Variants in ERC1 observed in about 807,000 individuals in gnomAD.
ERC1 encodes RAB6 interacting protein 2.
Under a neutral mutation model 132.0 loss-of-function variants are expected in ERC1, and 56 were observed. That is an observed-to-expected ratio of 0.42 (90% CI 0.34 to 0.53). ERC1 has a LOEUF of 0.53. Among genes scored for constraint, ERC1 ranks in the 20% least tolerant of loss-of-function variants. The pLI, the probability that ERC1 is intolerant of heterozygous loss-of-function variation, is 0.03. For synonymous variants in ERC1, 478 were observed against 476.1 expected, an observed-to-expected ratio of 1.00 and a Z score of -0.05; for missense variants, 1,202 against 1,349.9, an observed-to-expected ratio of 0.89 and a Z score of 1.72.
intron 16 of ERC1, among the ~76,000 whole-genome samples, chr12:1,401,195 A>G (rs1207638219): frequency 6.6e-6 from 1 of 151,662 alleles, no homozygotes; most frequent in Non-Finnish European, 1.5e-5. Flanking sequence ...CAGCCTTCCA[A>G]AGTGCTGGGA....
chr12:1,228,579 G>C (rs1010380543), intron 12 of ERC1, among the ~76,000 whole-genome samples: 1 of 152,120 alleles, frequency 6.6e-6, no homozygotes, highest in South Asian at 2.1e-4. Context: ...TGTTGAAGAG[G>C]TGGTGAGAGT....
rs1383211323 is a variant in ERC1, at chr12:1,191,207, T to C, written c.2351+1155T>C. Among the ~76,000 whole-genome samples, 4 of 152,206 alleles carry C rather than the reference T, an allele frequency of 2.6e-5. No individual in the cohort carries two copies. In the South Asian group the frequency reaches 6.2e-4, roughly 24 times the overall value. On this transcript the variant is annotated intron_variant, in intron 12 of 18. Transcript: ENST00000360905. The stretch of plus-strand genomic sequence containing the variant: ...GAATAAGATATATGGATAAAATTCT[T>C]TAAGTCAGAATTTTAAAATTACCAT...
At chr12:1,214,029 G>T (rs1293357719) in intron 12 of ERC1, among the ~76,000 whole-genome samples, 2 of 152,160 alleles carry the variant, frequency 1.3e-5, no homozygotes, top group African/African-American at 4.8e-5. Context: ...GACACTGAAA[G>T]ATGAAATTTC....
intron 7 of ERC1, among the ~76,000 whole-genome samples, chr12:1,130,625 G>A (rs965305112): frequency 3.3e-5 from 3 of 91,822 alleles, no homozygotes; most frequent in Non-Finnish European, 4.3e-5. Context: ...TTTGCGAAAC[G>A]TATAGTCTTT....
chr12:1,337,867 A>G (rs1214511444), intron 15 of ERC1, among the ~76,000 whole-genome samples: 4 of 152,184 alleles, frequency 2.6e-5, no homozygotes, highest in South Asian at 2.1e-4. Flanking sequence ...TTGGTGCCCA[A>G]TCTCTTCTGG....
intron 8 of ERC1, among the ~76,000 whole-genome samples, chr12:1,149,401 T>G (rs557557829): frequency 7.2e-5 from 11 of 152,270 alleles, no homozygotes. Flanking sequence ...ACATATATAT[T>G]GGTTGATTTG....
intron 7 of ERC1, among the ~76,000 whole-genome samples, chr12:1,126,983 T>C (rs1948233141): frequency 1.8e-5 from 1 of 55,588 alleles, no homozygotes; most frequent in Non-Finnish European, 3.4e-5. Flanking sequence ...TGAGATTCTG[T>C]CTCAAAAAAA....
intron 2 of ERC1, among the ~76,000 whole-genome samples, chr12:1,068,893 T>G (rs1199045845): frequency 6.6e-6 from 1 of 152,212 alleles, no homozygotes; most frequent in African/African-American, 2.4e-5. Flanking sequence ...TTAAGTAAGC[T>G]AAACTGTCTT....
intron 16 of ERC1, among the ~76,000 whole-genome samples, chr12:1,403,268 G>C (rs1429709917): frequency 1.3e-5 from 2 of 151,984 alleles, no homozygotes; most frequent in Admixed American, 6.6e-5. Flanking sequence ...GGGACCAGGG[G>C]TTTCATCTCC....
At chr12:1,342,174 GT>G (rs2083962273) in intron 15 of ERC1, among the ~76,000 whole-genome samples, 1 of 152,076 alleles carries the variant, frequency 6.6e-6, no homozygotes, top group African/African-American at 2.4e-5. Flanking sequence ...TAAGCAAAAA[GT>G]TAATGCGGGC....
chr12:1,172,366 G>C (rs1052340180), intron 8 of ERC1, among the ~76,000 whole-genome samples: 2 of 152,152 alleles, frequency 1.3e-5, no homozygotes, highest in African/African-American at 2.4e-5. Context: ...TACTCCGGAG[G>C]CTGAGGCTGG....
chr12:1,316,391 C>T (rs1329174275), intron 15 of ERC1, among the ~76,000 whole-genome samples: 2 of 152,128 alleles, frequency 1.3e-5, no homozygotes, highest in African/African-American at 4.8e-5. Context: ...ATATACCAGG[C>T]ATGGCTCTGT....
At chr12:1,168,628 G>T (rs1952712531) in intron 8 of ERC1, among the ~76,000 whole-genome samples, 1 of 151,790 alleles carries the variant, frequency 6.6e-6, no homozygotes, top group South Asian at 2.1e-4. Flanking sequence ...GGGATTACAG[G>T]TGCCCACCAC....
At chr12:991,818 G>A (rs1166207215) in intron 1 of ERC1, 1 of 152,290 alleles carries the variant, frequency 6.6e-6, no homozygotes, top group Non-Finnish European at 1.5e-5. Flanking sequence ...AAATGCTGAA[G>A]ATGATTCTTT....
At chr12:1,116,077 C>G in intron 7 of ERC1, 44 bp downstream of exon 7, 1 of 1,559,626 alleles carries the variant, frequency 6.4e-7, no homozygotes, top group South Asian at 1.2e-5. Context: ...TTTCTTGGCA[C>G]CTTTTCATAA....
At chr12:1,091,308 G>A (rs1385415887) in intron 3 of ERC1, among the ~76,000 whole-genome samples, 1 of 152,160 alleles carries the variant, frequency 6.6e-6, no homozygotes, top group Admixed American at 6.5e-5. Context: ...AATTAAGTTG[G>A]GAAGGGGATT....
At chr12:1,180,062 T>C (rs1282424472) in intron 8 of ERC1, among the ~76,000 whole-genome samples, 1 of 152,216 alleles carries the variant, frequency 6.6e-6, no homozygotes, top group African/African-American at 2.4e-5. Flanking sequence ...CTTTTCTTTA[T>C]ATAGCTGATT....
chr12:1,178,003 C>T (rs146671577), intron 8 of ERC1, among the ~76,000 whole-genome samples: 4 of 152,246 alleles, frequency 2.6e-5, no homozygotes, highest in Admixed American at 6.5e-5. Context: ...CTTTCCATCT[C>T]GGATGAACTC....
At chr12:1,179,631 C>A (rs1224892437) in intron 8 of ERC1, among the ~76,000 whole-genome samples, 1 of 150,742 alleles carries the variant, frequency 6.6e-6, no homozygotes, top group East Asian at 1.9e-4. Context: ...CCTCAGCCTC[C>A]CAAGTAGCTG....
Sources: allele counts gnomAD v4.1 joint callset (sites outside exome capture counted in the v4.1 genomes callset), GRCh38; gene constraint gnomAD v4.1.1; transcripts MANE v1.5; gene names NCBI Gene and HGNC (gene_info 2026-07-23, HGNC 2026-07-21).